MAP2K3: variants seen among roughly 807,000 people sequenced by gnomAD.
The protein encoded by MAP2K3 is dual specificity mitogen-activated protein kinase kinase 3.
MAP2K3 carries 30 observed loss-of-function variants against 46.4 expected under a neutral mutation model. That is an observed-to-expected ratio of 0.65 (90% CI 0.48 to 0.88). The LOEUF (loss-of-function observed/expected upper bound fraction) is 0.88. Ranked by LOEUF, MAP2K3 falls within the 40% of genes least tolerant of loss-of-function variation. MAP2K3 has a pLI of 0.00. For missense variants in MAP2K3, 380 were observed against 464.5 expected (o/e 0.82, Z 1.67); for synonymous variants, 189 against 176.3 (o/e 1.07, Z -0.57).
At chr17:21,299,054 C>G (rs1234614430) in intron 3 of MAP2K3, 128 bp downstream of exon 3, 1 of 1,399,158 alleles carries the variant, frequency 7.1e-7, no homozygotes, top group Non-Finnish European at 1.0e-6. Context: ...TGGAGAAGAG[C>G]CTCGTCCTGC....
At chr17:21,294,040 C>T (rs1042235418) in intron 1 of MAP2K3, among the ~76,000 whole-genome samples, 7 of 152,310 alleles carry the variant, frequency 4.6e-5, no homozygotes, top group Non-Finnish European at 7.3e-5. Flanking sequence ...TCTGGCAGGT[C>T]GCAGCCAAAC....
intron 5 of MAP2K3, among the ~76,000 whole-genome samples, chr17:21,301,810 G>GACACCCT (rs1976617352): frequency 2.9e-4 from 44 of 152,374 alleles, no homozygotes; most frequent in African/African-American, 9.6e-4. Flanking sequence ...CAGCAGGGCC[G>GACACCCT]GCTGTTGCCA....
intron 1 of MAP2K3, 77 bp downstream of exon 1, chr17:21,285,046 T>C: frequency 6.5e-7 from 1 of 1,537,362 alleles, no homozygotes; most frequent in Non-Finnish European, 8.8e-7. Context: ...GACCTTTCTT[T>C]GGTCCCACCC....
At chr17:21,291,840 T>C in intron 1 of MAP2K3, 1 of 345,808 alleles carries the variant, frequency 2.9e-6, no homozygotes, top group Non-Finnish European at 5.7e-6. Flanking sequence ...AGGACTGTCC[T>C]GGGAGCATGG....
At chr17:21,288,035 C>CA (rs1975772410) in intron 1 of MAP2K3, 2 of 1,289,160 alleles carry the variant, frequency 1.6e-6, no homozygotes, top group African/African-American at 3.0e-5. Flanking sequence ...CCAAAGGGAG[C>CA]AAAGTTCTCA....
rs1052455742 is a variant in MAP2K3 at position 21,314,959 on chromosome 17, C to T, written c.*729C>T. 6.6e-6 allele frequency: 1 copy of T among 152,668 alleles called. No individual in the cohort carries two copies. The highest frequency in any genetic ancestry group is 6.5e-5 in the Admixed American group (1 of 15,272). 9.5% of individuals were successfully genotyped at this position (152,668 alleles called of 1,614,324 possible). On this transcript the variant is annotated 3_prime_UTR_variant, in exon 12 of 12. Coordinates refer to ENST00000342679, the MANE Select transcript of MAP2K3 (RefSeq NM_145109.3). ...GGAGCTGATCGCTTCTCCCCCACCC[C>T]CTAGGGTACCAGCAGGCAGAGCCTT...
At chr17:21,306,645 G>A (rs1976903146) in intron 9 of MAP2K3, among the ~76,000 whole-genome samples, 2 of 152,250 alleles carry the variant, frequency 1.3e-5, no homozygotes, top group Non-Finnish European at 2.9e-5. Context: ...ACCATGCCCA[G>A]CTGATTTTTG....
intron 3 of MAP2K3, 178 bp from the exon 4 acceptor site, chr17:21,300,367 G>A (rs1026682173): frequency 4.5e-6 from 3 of 665,460 alleles, no homozygotes; most frequent in Non-Finnish European, 5.3e-6. Context: ...GGCATCGTGA[G>A]GCTCAGAGAG....
intron 3 of MAP2K3, 90 bp downstream of exon 3, chr17:21,299,016 G>C: frequency 6.3e-7 from 1 of 1,576,700 alleles, no homozygotes; most frequent in Non-Finnish European, 8.7e-7. Flanking sequence ...GGGGGGAGGT[G>C]ACTGAGGGGT....
chr17:21,295,942 A>G (rs1976220610), intron 1 of MAP2K3: 4 of 1,242,382 alleles, frequency 3.2e-6, no homozygotes, highest in Non-Finnish European at 4.2e-6. Flanking sequence ...GCTGGGGGCA[A>G]GGTCAAGGCC....
chr17:21,292,160 T>G (rs12602785), intron 1 of MAP2K3, among the ~76,000 whole-genome samples: 19,909 of 143,416 alleles, frequency 0.14, no homozygotes, highest in Middle Eastern at 0.16. Context: ...CTGAGCAGCC[T>G]GCTGCGGGGG....
At chr17:21,300,313 C>T (rs1976519790) in intron 3 of MAP2K3, among the ~76,000 whole-genome samples, 2 of 152,294 alleles carry the variant, frequency 1.3e-5, no homozygotes, top group African/African-American at 4.8e-5. Context: ...CAGTCACACT[C>T]CATAGCAGCC....
chr17:21,298,588 G>C (rs1278557790), intron 2 of MAP2K3, 109 bp downstream of exon 2: 1 of 1,558,978 alleles, frequency 6.4e-7, no homozygotes. Context: ...ACCTCGTCCT[G>C]TCCTGGGCAG....
At chr17:21,297,956 C>G (rs1054929234) in intron 1 of MAP2K3, among the ~76,000 whole-genome samples, 7 of 152,302 alleles carry the variant, frequency 4.6e-5, no homozygotes, top group Non-Finnish European at 8.8e-5. Flanking sequence ...GGGGGCCTGG[C>G]CTTCCTCATC....
intron 1 of MAP2K3, chr17:21,291,582 G>A: frequency 2.2e-6 from 1 of 456,532 alleles, no homozygotes; most frequent in Non-Finnish European, 4.4e-6. Context: ...TGGGAGGGCT[G>A]AGCATCACTT....
chr17:21,295,550 C>T (rs1976191040), intron 1 of MAP2K3: 1 of 1,236,292 alleles, frequency 8.1e-7, no homozygotes, highest in African/African-American at 1.5e-5. Flanking sequence ...GCTCTGACGT[C>T]TGCAGCAGCC....
chr17:21,302,742 T>C (rs1158391281), intron 6 of MAP2K3, among the ~76,000 whole-genome samples: 2 of 152,308 alleles, frequency 1.3e-5, no homozygotes, highest in Admixed American at 6.5e-5. Context: ...ATAGAACCAG[T>C]GAGACTGGTT....
chr17:21,291,964 G>A (rs1975962849), intron 1 of MAP2K3, among the ~76,000 whole-genome samples: 5 of 152,308 alleles, frequency 3.3e-5, no homozygotes, highest in Non-Finnish European at 1.5e-5. Context: ...GAGGGAGTGT[G>A]GCTCGCCCCC....
chr17:21,308,360 C>T, intron 9 of MAP2K3, among the ~76,000 whole-genome samples: 1 of 152,304 alleles, frequency 6.6e-6, no homozygotes, highest in Non-Finnish European at 1.5e-5. Context: ...GTTGGCCAGG[C>T]TGGTCTCAAA....
Sources: allele counts gnomAD v4.1 joint callset (sites outside exome capture counted in the v4.1 genomes callset), GRCh38; gene constraint gnomAD v4.1.1; transcripts MANE v1.5; gene names NCBI Gene and HGNC (gene_info 2026-07-23, HGNC 2026-07-21).